The following CARD19 variants were observed in gnomAD, a reference collection of about 807,000 sequenced individuals.
The protein encoded by CARD19 is caspase recruitment domain-containing protein 19.
In CARD19, 25 loss-of-function variants were observed where a neutral mutation model predicts 24.1. The ratio of observed to expected loss-of-function variants is 1.04; its 90% CI spans 0.76 to 1.45. The LOEUF (loss-of-function observed/expected upper bound fraction) is 1.45, where lower values mean the gene tolerates loss of function less well. Among genes scored for constraint, CARD19 ranks in the 40% most tolerant of loss-of-function variants. The pLI is 0.00. For missense variants in CARD19, 241 were observed against 247.4 expected (o/e 0.97, Z 0.17); for synonymous variants, 103 against 104.9 (o/e 0.98, Z 0.11).
intron 2 of CARD19, 131 bp downstream of exon 2, chr9:93,107,947 G>T: frequency 4.8e-6 from 6 of 1,237,650 alleles, no homozygotes; most frequent in South Asian, 1.4e-5. Flanking sequence ...AGGATTCAGA[G>T]GTGACACATC....
chr9:93,099,570 G>C (rs1180860573), intron 1 of CARD19, among the ~76,000 whole-genome samples: 1 of 152,216 alleles, frequency 6.6e-6, no homozygotes, highest in Non-Finnish European at 1.5e-5. Context: ...GTGACGTAGG[G>C]CTCACAGAGT....
intron 5 of CARD19, 99 bp downstream of exon 5, chr9:93,112,388 C>T (rs936380629): frequency 9.3e-6 from 9 of 971,870 alleles, no homozygotes; most frequent in South Asian, 1.4e-5. Context: ...TTGGCCTCTT[C>T]GTACCTCGGT....
chr9:93,100,276 C>T (rs769411256), intron 1 of CARD19, among the ~76,000 whole-genome samples: 1 of 152,196 alleles, frequency 6.6e-6, no homozygotes, highest in Non-Finnish European at 1.5e-5. Context: ...AGAGGGGGCC[C>T]CACTGTGTTC....
rs779164836 is a variant in CARD19, at chr9:93,110,951, C to G, written c.304+230C>G. 64 of 1,527,700 alleles carry G rather than the reference C, an allele frequency of 4.2e-5. 2 individuals carry two copies. In the South Asian group the frequency reaches 6.5e-4, roughly 16 times the overall value. The allele number at this position is 1,527,700 out of a possible 1,614,324, so 94.6% of individuals were successfully genotyped here. A position where few individuals can be genotyped will look rare whatever the true frequency, so the allele number is the denominator to read the frequency against. On this transcript the variant is annotated intron_variant, in intron 3 of 5. Transcript: ENST00000375464. ...TGGTCTCTGTCTCCCACTTTCTCCC[C>G]CTTCCTCCGTCTCTCTCTCATGGCA...
At chr9:93,112,969 T>G in intron 5 of CARD19, 23 bp from the exon 6 acceptor site, 2 of 1,554,478 alleles carry the variant, frequency 1.3e-6, no homozygotes, top group Non-Finnish European at 1.8e-6. Flanking sequence ...TCTTGAGCTT[T>G]TGCCTCCCCT....
chr9:93,111,583 A>C, intron 3 of CARD19: 1 of 1,280,392 alleles, frequency 7.8e-7, no homozygotes, highest in Non-Finnish European at 9.9e-7. Context: ...CTCCCTCCCC[A>C]GCCACGAGTA....
In CARD19 at chr9:93,112,083, C is replaced by G. The variant is rs568893510; in HGVS notation, c.365-135C>G. ...CCTTCTGTTGGTGACAGACCCCCCCCCTAAGGTGCTCGTTTGGGGGCTCTT... is the reference window on the plus strand; with the variant it reads ...CCTTCTGTTGGTGACAGACCCCCCCGCTAAGGTGCTCGTTTGGGGGCTCTT... On this transcript the variant is annotated intron_variant, in intron 4 of 5. Coordinates refer to ENST00000375464, the MANE Select transcript of CARD19 (RefSeq NM_032310.5). 1.4e-3 allele frequency: 1,903 copies of G among 1,337,906 alleles called. 8 individuals carry two copies. The highest frequency in any genetic ancestry group is 6.0e-3 in the African/African-American group (412 of 69,022). 82.9% of individuals were successfully genotyped at this position (1,337,906 alleles called of 1,614,324 possible).
chr9:93,107,739 GAGC>G lies in CARD19; in HGVS notation c.79_81del (p.Gln27del). The G allele has an allele frequency of 6.2e-7, 1 of 1,614,226 alleles. No homozygotes were observed. Among genetic ancestry groups the G allele is most frequent in the Non-Finnish European group, 8.5e-7 (1 of 1,180,024 alleles). On this transcript the variant is annotated inframe_deletion, in exon 2 of 6. Coordinates refer to ENST00000375464, the MANE Select transcript of CARD19 (RefSeq NM_032310.5). ...CCTGACAGGCCATGGGCGCTTGAGT[GAGC>G]AGCAGGTGGACAGGATCATCCTCCA...
intron 1 of CARD19, among the ~76,000 whole-genome samples, chr9:93,103,844 C>T (rs189480741): frequency 7.9e-4 from 120 of 152,296 alleles, no homozygotes; most frequent in Non-Finnish European, 1.5e-3. Flanking sequence ...AAACTTCAAG[C>T]CCTTTTATAA....
At chr9:93,112,318 G>T (rs764258966) in intron 5 of CARD19, 29 bp downstream of exon 5, 31 of 1,536,534 alleles carry the variant, frequency 2.0e-5, no homozygotes, top group Non-Finnish European at 2.6e-5. Flanking sequence ...TCATGGGGCT[G>T]GGCCTGCCTC....
At chr9:93,104,722 T>C (rs112546667) in intron 1 of CARD19, among the ~76,000 whole-genome samples, 2,170 of 152,300 alleles carry the variant, frequency 0.014, 46 homozygotes, top group African/African-American at 0.05. Flanking sequence ...TTATTTACGT[T>C]ATCCAATTTA....
rs949077437 is a variant in CARD19, at chr9:93,111,912, G to C, written c.338G>C (p.Ser113Thr). 4.3e-6 allele frequency: 7 copies of C among 1,611,642 alleles called. No homozygotes were observed. Among genetic ancestry groups the C allele is most frequent in the African/African-American group, 2.7e-5 (2 of 74,852 alleles). The change falls in exon 4 of 6, where the codon AGC becomes ACC. Residue 113 changes from serine (S) to threonine (T), a missense_variant. Coordinates refer to ENST00000375464, the MANE Select transcript of CARD19 (RefSeq NM_032310.5). Reference sequence around the variant, plus strand: ...GATTGCACAGAGCTAGACTCGGGCAGCCAGAGCGGCGAGCTGAGTAACAGG... The same window carrying C: ...GATTGCACAGAGCTAGACTCGGGCACCCAGAGCGGCGAGCTGAGTAACAGG... Reference protein sequence around the residue: ...NSDCTELDSGSQSGELSNRGP... With the variant: ...NSDCTELDSGTQSGELSNRGP...
intron 1 of CARD19, among the ~76,000 whole-genome samples, chr9:93,099,220 G>C (rs929855836): frequency 6.6e-6 from 1 of 152,120 alleles, no homozygotes; most frequent in African/African-American, 2.4e-5. Flanking sequence ...CACCGCGTCC[G>C]GCCTGCAGAA....
intron 1 of CARD19, among the ~76,000 whole-genome samples, chr9:93,100,819 A>G (rs1827050249): frequency 6.6e-6 from 1 of 152,150 alleles, no homozygotes; most frequent in Non-Finnish European, 1.5e-5. Flanking sequence ...ATCATATAAT[A>G]TTTGTCCGTT....
chr9:93,112,402 C>A, intron 5 of CARD19, 113 bp downstream of exon 5: 1 of 839,746 alleles, frequency 1.2e-6, no homozygotes, highest in Non-Finnish European at 1.9e-6. Flanking sequence ...CCTCGGTGTC[C>A]ACACTTGTGC....
intron 1 of CARD19, among the ~76,000 whole-genome samples, chr9:93,097,044 T>C (rs1346896299): frequency 6.6e-6 from 1 of 152,250 alleles, no homozygotes; most frequent in East Asian, 1.9e-4. Flanking sequence ...CCCACCATCC[T>C]CCTGATCCCA....
At chr9:93,105,075 G>T (rs902027098) in intron 1 of CARD19, among the ~76,000 whole-genome samples, 2 of 151,844 alleles carry the variant, frequency 1.3e-5, no homozygotes, top group Non-Finnish European at 2.9e-5. Context: ...ACTGATTTAA[G>T]ATTTTTTTAA....
chr9:93,110,876 A>G (rs1462281313), intron 3 of CARD19, 155 bp downstream of exon 3: 16 of 1,532,884 alleles, frequency 1.0e-5, no homozygotes, highest in Non-Finnish European at 1.3e-5. Context: ...CCCAGAGGCC[A>G]CCCTCTGGCC....
At chr9:93,097,952 A>G (rs1344361874) in intron 1 of CARD19, among the ~76,000 whole-genome samples, 1 of 152,252 alleles carries the variant, frequency 6.6e-6, no homozygotes, top group East Asian at 1.9e-4. Flanking sequence ...GGAGGGTCAT[A>G]TGGACAGCCC....
Sources: allele counts gnomAD v4.1 joint callset (sites outside exome capture counted in the v4.1 genomes callset), GRCh38; gene constraint gnomAD v4.1.1; transcripts MANE v1.5; gene names NCBI Gene and HGNC (gene_info 2026-07-23, HGNC 2026-07-21).